FOXP2: variants seen among roughly 807,000 people sequenced by gnomAD.
The protein encoded by FOXP2 is forkhead box P2, also known as forkhead box protein P2.
Under a neutral mutation model 115.8 loss-of-function variants are expected in FOXP2, and 12 were observed. That is an observed-to-expected ratio of 0.10 (90% CI 0.07 to 0.17). FOXP2 has a LOEUF of 0.17. FOXP2 is among the 10% of genes least tolerant of loss of function. The pLI is 1.00. For synonymous variants in FOXP2, 328 were observed against 297.7 expected (o/e 1.10, Z -1.05); for missense variants, 629 against 843.5 (o/e 0.75, Z 3.15).
intron 1 of FOXP2, among the ~76,000 whole-genome samples, chr7:114,153,746 G>A (rs537340272): frequency 1.1e-4 from 17 of 151,986 alleles, no homozygotes; most frequent in Non-Finnish European, 2.2e-4. Flanking sequence ...AGGCCATTCT[G>A]ATTTGTAGCT....
chr7:114,604,778 T>G (rs1435227956), intron 3 of FOXP2, among the ~76,000 whole-genome samples: 4 of 152,146 alleles, frequency 2.6e-5, no homozygotes, highest in Admixed American at 6.6e-5. Context: ...AGGCCTCTAC[T>G]AAAGGCTTCC....
chr7:114,527,695 T>G (rs1798943530), intron 2 of FOXP2, among the ~76,000 whole-genome samples: 1 of 152,170 alleles, frequency 6.6e-6, no homozygotes, highest in Admixed American at 6.6e-5. Context: ...CTCCAAAGGC[T>G]GTGTTTTATA....
At chr7:114,221,333 G>C (rs535490864) in intron 1 of FOXP2, among the ~76,000 whole-genome samples, 20 of 152,128 alleles carry the variant, frequency 1.3e-4, no homozygotes, top group African/African-American at 4.8e-4. Flanking sequence ...AAGTCAATGG[G>C]CAGAGGGCTG....
intron 3 of FOXP2, among the ~76,000 whole-genome samples, chr7:114,568,176 G>A (rs1179956308): frequency 6.6e-6 from 1 of 151,880 alleles, no homozygotes; most frequent in African/African-American, 2.4e-5. Context: ...AGCCCTCAGT[G>A]TCGGTGGCAG....
intron 3 of FOXP2, among the ~76,000 whole-genome samples, chr7:114,538,598 A>G (rs10486023): frequency 0.084 from 12,712 of 151,744 alleles, 876 homozygotes; most frequent in East Asian, 0.38. Flanking sequence ...CTCTGCCACA[A>G]ATAGTTATAT....
At chr7:114,470,123 A>G (rs1795982840) in intron 2 of FOXP2, among the ~76,000 whole-genome samples, 2 of 152,196 alleles carry the variant, frequency 1.3e-5, no homozygotes. Flanking sequence ...AAAATGTTAG[A>G]AACAACCTAC....
At chr7:114,560,797 T>C (rs934295867) in intron 3 of FOXP2, among the ~76,000 whole-genome samples, 4 of 152,208 alleles carry the variant, frequency 2.6e-5, no homozygotes, top group Non-Finnish European at 5.9e-5. Flanking sequence ...TTAATCCTAA[T>C]TTTGACAGTA....
chr7:114,313,070 A>G (rs573064081), intron 2 of FOXP2, among the ~76,000 whole-genome samples: 1 of 152,346 alleles, frequency 6.6e-6, no homozygotes, highest in South Asian at 2.1e-4. Context: ...GTGACTGAAC[A>G]TCTTCATGGT....
upstream of FOXP2, among the ~76,000 whole-genome samples, chr7:114,158,679 T>TGA (rs1212573678): frequency 1.3e-5 from 2 of 152,090 alleles, no homozygotes; most frequent in African/African-American, 4.8e-5. Flanking sequence ...TTCTTTCTGG[T>TGA]GATTGTTGCC....
Position 114,333,463 on chromosome 7 carries a change from T to A in FOXP2, c.-11+45354T>A, listed in dbSNP as rs1797763545. ...ACCATTCAAAAAATAAGCAGCCACA[T>A]TTATGAGGCCAAGTGTGGGTGGCTC... is the stretch of plus-strand genomic sequence containing the variant. On this transcript the variant is annotated intron_variant, in intron 2 of 17. Coordinates refer to the FOXP2 transcript ENST00000634411. Among the ~76,000 whole-genome samples, 3 of 152,308 alleles carry A rather than the reference T, an allele frequency of 2.0e-5. No homozygotes were observed. The South Asian group carries it at 6.2e-4, about 32-fold the overall frequency.
rs74714618 is a variant in FOXP2, at chr7:114,122,298, C to T, written c.-247+34460C>T. Among the ~76,000 whole-genome samples the T allele has an allele frequency of 6.6e-3, 1,004 of 151,550 alleles. 11 individuals are homozygous for T. Among genetic ancestry groups the T allele is most frequent in the African/African-American group, 0.023 (952 of 41,328 alleles). ...AAATTATTTACTATATTATTGATTC[C>T]AAATATAGTAGAGTTTTTAAGTCCC... On this transcript the variant is annotated intron_variant, in intron 1 of 19. Transcript: ENST00000635638.
chr7:114,541,600 G>C (rs1245299146), intron 3 of FOXP2, among the ~76,000 whole-genome samples: 1 of 152,046 alleles, frequency 6.6e-6, no homozygotes, highest in Non-Finnish European at 1.5e-5. Context: ...ATAATGAATA[G>C]AGAAAAATCA....
chr7:114,463,735 C>A (rs925538667), intron 2 of FOXP2, among the ~76,000 whole-genome samples: 2 of 152,066 alleles, frequency 1.3e-5, no homozygotes, highest in African/African-American at 4.8e-5. Flanking sequence ...GGGATTAGCC[C>A]CATTCCATAA....
chr7:114,371,453 A>G (rs1366352871), intron 2 of FOXP2, among the ~76,000 whole-genome samples: 2 of 152,122 alleles, frequency 1.3e-5, no homozygotes, highest in Non-Finnish European at 2.9e-5. Context: ...CATTTGCTAC[A>G]ATAAATATAG....
At chr7:114,456,952 A>G (rs960888814) in intron 2 of FOXP2, among the ~76,000 whole-genome samples, 16 of 152,126 alleles carry the variant, frequency 1.1e-4, no homozygotes, top group African/African-American at 3.9e-4. Flanking sequence ...GCTTGATCTC[A>G]CTTATATATG....
chr7:114,146,724 A>G (rs191873334), intron 1 of FOXP2, among the ~76,000 whole-genome samples: 1 of 152,338 alleles, frequency 6.6e-6, no homozygotes, highest in East Asian at 1.9e-4. Flanking sequence ...CATAGGAGGA[A>G]AACAATTGTT....
chr7:114,452,183 A>G (rs1403836836), intron 2 of FOXP2, among the ~76,000 whole-genome samples: 1 of 151,884 alleles, frequency 6.6e-6, no homozygotes, highest in East Asian at 1.9e-4. Flanking sequence ...ATATGTTCTT[A>G]CTTTTCCATT....
intron 1 of FOXP2, among the ~76,000 whole-genome samples, chr7:114,269,962 TC>T (rs1422626369): frequency 6.6e-6 from 1 of 152,172 alleles, no homozygotes; most frequent in Non-Finnish European, 1.5e-5. Flanking sequence ...GCTTTATTGT[TC>T]CAGTGATTTA....
At chr7:114,433,164 A>G (rs1048057536) in intron 2 of FOXP2, among the ~76,000 whole-genome samples, 8 of 152,022 alleles carry the variant, frequency 5.3e-5, no homozygotes, top group African/African-American at 1.4e-4. Flanking sequence ...TGTTTAATGC[A>G]TATGAAAAAT....
Sources: gnomAD v4.1 joint callset for allele counts (sites outside exome capture counted in the v4.1 genomes callset) on GRCh38, gnomAD v4.1.1 for gene constraint, MANE v1.5 for transcripts, NCBI Gene and HGNC (gene_info 2026-07-23, HGNC 2026-07-21) for gene names.